SRD5A2: variants seen among roughly 807,000 people sequenced by gnomAD.
SRD5A2 encodes steroid 5 alpha-reductase 2, also known as 3-oxo-5-alpha-steroid 4-dehydrogenase 2.
In SRD5A2, 30 loss-of-function variants were observed where a neutral mutation model predicts 27.4. The observed-to-expected ratio is 1.10, with a 90% confidence interval of 0.82 to 1.49. The LOEUF is 1.49. Among genes scored for constraint, SRD5A2 ranks in the 40% most tolerant of loss-of-function variants. The pLI is 0.00. For synonymous variants in SRD5A2, 141 were observed against 133.6 expected (o/e 1.06, Z -0.38); for missense variants, 348 against 323.4 (o/e 1.08, Z -0.58).
chr2:31,559,726 G>A (rs944853270), intron 1 of SRD5A2, among the ~76,000 whole-genome samples: 2 of 152,068 alleles, frequency 1.3e-5, no homozygotes, highest in African/African-American at 4.8e-5. Flanking sequence ...TTAGCACCTA[G>A]ACTCTATGTC....
chr2:31,648,320 TA>T, the SRD5A2 span, among the ~76,000 whole-genome samples: 2 of 152,246 alleles, frequency 1.3e-5, no homozygotes, highest in Admixed American at 1.3e-4. Context: ...TTGGATTACA[TA>T]TATGAAGAGA....
the SRD5A2 span, among the ~76,000 whole-genome samples, chr2:31,611,685 G>A: frequency 6.6e-6 from 1 of 152,102 alleles, no homozygotes; most frequent in Admixed American, 6.6e-5. Flanking sequence ...ATAATATGCA[G>A]TAAAACCCTC....
chr2:31,568,364 C>A (rs1361028825), intron 1 of SRD5A2, among the ~76,000 whole-genome samples: 1 of 152,156 alleles, frequency 6.6e-6, no homozygotes, highest in African/African-American at 2.4e-5. Flanking sequence ...CAATGAGGTA[C>A]GCAAACAACT....
intron 1 of SRD5A2, among the ~76,000 whole-genome samples, chr2:31,558,308 C>G (rs1666542601): frequency 6.6e-6 from 1 of 152,132 alleles, no homozygotes; most frequent in South Asian, 2.1e-4. Context: ...TGTTAATTTC[C>G]TAGGCTGCCA....
chr2:31,642,384 C>T, the SRD5A2 span, among the ~76,000 whole-genome samples: 1 of 151,878 alleles, frequency 6.6e-6, no homozygotes, highest in African/African-American at 2.4e-5. Flanking sequence ...AGAACTCTTA[C>T]AACTCAATAT....
the SRD5A2 span, among the ~76,000 whole-genome samples, chr2:31,646,640 T>C: frequency 6.6e-6 from 1 of 151,874 alleles, no homozygotes; most frequent in African/African-American, 2.4e-5. Context: ...GTTTTATTAC[T>C]GAGGAAGAAG....
At chr2:31,614,447 C>T in the SRD5A2 span, among the ~76,000 whole-genome samples, 1 of 152,208 alleles carries the variant, frequency 6.6e-6, no homozygotes, top group Non-Finnish European at 1.5e-5. Flanking sequence ...TGTGGCTTTG[C>T]AGGGTACAGC....
the SRD5A2 span, among the ~76,000 whole-genome samples, chr2:31,598,517 G>GA: frequency 8.6e-5 from 13 of 151,600 alleles, no homozygotes; most frequent in Non-Finnish European, 1.8e-4. Flanking sequence ...AAAGAAGGGG[G>GA]AAAAATAACA....
chr2:31,562,048 C>A (rs1240888103), intron 1 of SRD5A2, among the ~76,000 whole-genome samples: 1 of 152,048 alleles, frequency 6.6e-6, no homozygotes, highest in African/African-American at 2.4e-5. Flanking sequence ...CTCAGCAAGC[C>A]TATGAAGAGC....
chr2:31,611,865 A>G, the SRD5A2 span, among the ~76,000 whole-genome samples: 1 of 152,214 alleles, frequency 6.6e-6, no homozygotes, highest in Admixed American at 6.5e-5. Context: ...GTGAATGTTC[A>G]TAACATTTTT....
chr2:31,540,975 C>A (rs1666117940), intron 1 of SRD5A2, among the ~76,000 whole-genome samples: 1 of 152,156 alleles, frequency 6.6e-6, no homozygotes. Context: ...TTGTTGCAAA[C>A]CCCTCCCCAT....
At chr2:31,573,848 T>C (rs963992551) in intron 1 of SRD5A2, among the ~76,000 whole-genome samples, 2 of 152,292 alleles carry the variant, frequency 1.3e-5, no homozygotes, top group South Asian at 2.1e-4. Context: ...ATAAGGCCCA[T>C]ATAATCCAAA....
the SRD5A2 span, among the ~76,000 whole-genome samples, chr2:31,611,305 C>CA: frequency 6.6e-6 from 1 of 151,878 alleles, no homozygotes; most frequent in Non-Finnish European, 1.5e-5. Flanking sequence ...TATTTTAAGC[C>CA]AAAAAATTTG....
the SRD5A2 span, among the ~76,000 whole-genome samples, chr2:31,658,844 G>A: frequency 6.6e-6 from 1 of 152,080 alleles, no homozygotes; most frequent in Non-Finnish European, 1.5e-5. Flanking sequence ...ATTGAGGAGA[G>A]GCTCTTCCTT....
At chr2:31,590,392 C>T in the SRD5A2 span, among the ~76,000 whole-genome samples, 2 of 152,084 alleles carry the variant, frequency 1.3e-5, no homozygotes, top group Non-Finnish European at 2.9e-5. Flanking sequence ...AGATCCTTCA[C>T]GTCCCTTGTA....
At chr2:31,624,792 A>G in the SRD5A2 span, among the ~76,000 whole-genome samples, 6 of 152,170 alleles carry the variant, frequency 3.9e-5, no homozygotes, top group Non-Finnish European at 7.3e-5. Flanking sequence ...AGTCTTTGCT[A>G]TTGTGAATAG....
upstream of SRD5A2, among the ~76,000 whole-genome samples, chr2:31,584,227 A>G (rs988335433): frequency 3.3e-5 from 5 of 152,220 alleles, no homozygotes; most frequent in Admixed American, 6.5e-5. Context: ...GCCATGGTTT[A>G]GTAGTAGAAA....
At chr2:31,649,186 C>G in the SRD5A2 span, among the ~76,000 whole-genome samples, 2 of 152,194 alleles carry the variant, frequency 1.3e-5, no homozygotes, top group African/African-American at 4.8e-5. Flanking sequence ...CAGCCGCTAG[C>G]TATTCCATTT....
rs1666703366 is a variant in SRD5A2 at position 31,565,079 on chromosome 2, G to A, written c.281+15541C>T. Among the ~76,000 whole-genome samples the A allele has an allele frequency of 2.0e-5, 3 of 151,986 alleles. No individual in the cohort carries two copies. The South Asian group carries it at 6.2e-4, about 32-fold the overall frequency. On this transcript the variant is annotated intron_variant, in intron 1 of 4. Coordinates refer to ENST00000622030, the MANE Select transcript of SRD5A2 (RefSeq NM_000348.4). ...ACAATAACATAAGGGCAAGAGAGAA[G>A]AAATGGAAGTACATTATTTCAGATT...
Sources: allele counts gnomAD v4.1 joint callset (sites outside exome capture counted in the v4.1 genomes callset), GRCh38; gene constraint gnomAD v4.1.1; transcripts MANE v1.5; gene names NCBI Gene and HGNC (gene_info 2026-07-23, HGNC 2026-07-21).